SLIT1: variants seen among roughly 807,000 people sequenced by gnomAD.
SLIT1 encodes the protein slit homolog 1 protein.
In SLIT1, 66 loss-of-function variants were observed where a neutral mutation model predicts 186.1. The observed-to-expected ratio is 0.35, with a 90% CI of 0.29 to 0.44. The LOEUF is 0.44. Ranked by LOEUF, SLIT1 falls within the 20% of genes least tolerant of loss-of-function variation. The pLI is 1.00. For missense variants in SLIT1, 1,638 were observed against 2,037.4 expected (o/e 0.80, Z 3.77); for synonymous variants, 761 against 833.8 (o/e 0.91, Z 1.50).
chr10:97,034,418 T>C, intron 23 of SLIT1, 53 bp downstream of exon 23: 1 of 1,261,240 alleles, frequency 7.9e-7, no homozygotes, highest in Admixed American at 1.7e-5. Flanking sequence ...GGCTAGGGAA[T>C]GACTCACAGC....
chr10:97,009,641 A>G (rs1346926042), intron 31 of SLIT1, among the ~76,000 whole-genome samples: 1 of 152,248 alleles, frequency 6.6e-6, no homozygotes, highest in East Asian at 1.9e-4. Flanking sequence ...TGCCCAAATT[A>G]TTAAACTAGA....
At chr10:97,146,559 G>GCCCCCCCCCCCCCCCCCCCCC (rs61265496) in intron 4 of SLIT1, among the ~76,000 whole-genome samples, 3 of 149,082 alleles carry the variant, frequency 2.0e-5, no homozygotes, top group South Asian at 2.2e-4. Context: ...AGGTACCCCA[G>GCCCCCCCCCCCCCCCCCCCCC]CCCCCCCCAC....
chr10:97,142,014 G>C (rs1201318919), intron 4 of SLIT1, among the ~76,000 whole-genome samples: 1 of 151,924 alleles, frequency 6.6e-6, no homozygotes, highest in Non-Finnish European at 1.5e-5. Context: ...CTGGTCCTTG[G>C]CTGGTCTCTA....
intron 4 of SLIT1, among the ~76,000 whole-genome samples, chr10:97,086,964 G>T (rs545382971): frequency 6.6e-6 from 1 of 152,132 alleles, no homozygotes; most frequent in East Asian, 1.9e-4. Flanking sequence ...TACGGCTCTG[G>T]TGGGGGATGT....
intron 4 of SLIT1, among the ~76,000 whole-genome samples, chr10:97,079,968 CA>C (rs1849087290): frequency 6.6e-6 from 1 of 152,100 alleles, no homozygotes; most frequent in African/African-American, 2.4e-5. Context: ...AGAGTAGGTC[CA>C]AATGCCTTCT....
At chr10:97,146,324 G>T (rs1031068136) in intron 4 of SLIT1, among the ~76,000 whole-genome samples, 7 of 152,180 alleles carry the variant, frequency 4.6e-5, no homozygotes, top group Admixed American at 4.6e-4. Flanking sequence ...GAGGTGGTGA[G>T]TCCTGGCCCA....
In SLIT1 at chr10:97,047,794, G is replaced by A. The variant is rs144905043; in HGVS notation, c.1530C>T (p.Asp510=). 25 of 1,613,986 alleles carry A rather than the reference G, an allele frequency of 1.5e-5. No homozygotes were observed. The African/African-American group carries it at 2.5e-4, about 16-fold the overall frequency. Residue 510 remains aspartate, a synonymous_variant, in exon 16 of 37, where the codon GAC becomes GAT. Transcript: ENST00000266058. ...AGCGGCACTTGTGGGGACAGACCACGTCGCTGTTGCACTCGCTGTTCAGCT... is the reference window on the plus strand; with the variant it reads ...AGCGGCACTTGTGGGGACAGACCACATCGCTGTTGCACTCGCTGTTCAGCT... ...DYQLNSECNS[D]VVCPHKCRCE... is the part of the protein sequence containing the mutation.
chr10:97,086,718 TA>T lies in SLIT1; in HGVS notation c.414-20633del, dbSNP rs199718139. On this transcript the variant is annotated intron_variant, in intron 4 of 36. Coordinates refer to ENST00000266058, the MANE Select transcript of SLIT1 (RefSeq NM_003061.3). Reference sequence around the variant, plus strand: ...GAAAAAGGCAAAATTATGGAGAGAGTAAAAAAAAAATCAGTGGATGCCAACA... The same window carrying T: ...GAAAAAGGCAAAATTATGGAGAGAGTAAAAAAAAATCAGTGGATGCCAACA... Among the ~76,000 whole-genome samples the T allele has an allele frequency of 5.2e-4, 77 of 148,484 alleles. 1 individual carries two copies. The East Asian group carries it at 0.014, about 27-fold the overall frequency.
At chr10:97,023,072 G>A (rs1848515313) in intron 25 of SLIT1, among the ~76,000 whole-genome samples, 1 of 150,574 alleles carries the variant, frequency 6.6e-6, no homozygotes, top group Admixed American at 6.6e-5. Context: ...TTTTTTATGA[G>A]ACAGGGTCTC....
At chr10:97,124,858 C>A (rs1184542604) in intron 4 of SLIT1, among the ~76,000 whole-genome samples, 1 of 152,176 alleles carries the variant, frequency 6.6e-6, no homozygotes, top group African/African-American at 2.4e-5. Flanking sequence ...CGTTGCTTAA[C>A]CTTTCTGAGC....
At chr10:97,164,492 T>C (rs571950260) in intron 2 of SLIT1, among the ~76,000 whole-genome samples, 58 of 152,248 alleles carry the variant, frequency 3.8e-4, no homozygotes, top group African/African-American at 1.4e-3. Context: ...GCCCAGCGGC[T>C]TGTCAGCTCT....
At chr10:97,094,905 C>T (rs746676904) in intron 4 of SLIT1, among the ~76,000 whole-genome samples, 1 of 152,178 alleles carries the variant, frequency 6.6e-6, no homozygotes, top group Non-Finnish European at 1.5e-5. Context: ...CAAATGAGCA[C>T]ATCTCAATAA....
chr10:97,008,879 TTTA>T (rs1213121809), intron 31 of SLIT1, among the ~76,000 whole-genome samples: 8 of 151,186 alleles, frequency 5.3e-5, no homozygotes, highest in African/African-American at 1.9e-4. Context: ...TATTTATTTA[TTTA>T]TTATTATTAT....
Position 97,176,531 on chromosome 10 carries a change from T to C in SLIT1, c.197+8947A>G, listed in dbSNP as rs568066051. 3.3e-5 allele frequency among the ~76,000 whole-genome samples: 5 copies of C among 152,266 alleles called. No individual in the cohort carries two copies. The South Asian group carries it at 1.0e-3, about 32-fold the overall frequency. ...CAGAGCTCCCATGCCTGTCCTCTCCTCTGCAAACTTCCTTACCACCTACTT... is the reference window on the plus strand; with the variant it reads ...CAGAGCTCCCATGCCTGTCCTCTCCCCTGCAAACTTCCTTACCACCTACTT... On this transcript the variant is annotated intron_variant, in intron 1 of 36. Transcript: ENST00000266058.
At chr10:97,037,869 T>C in intron 21 of SLIT1, 103 bp from the exon 22 acceptor site, 1 of 871,330 alleles carries the variant, frequency 1.1e-6, no homozygotes, top group South Asian at 1.7e-5. Flanking sequence ...TCTCATTTCC[T>C]CTCCTCCACA....
chr10:97,097,960 G>A (rs1002063196), intron 4 of SLIT1, among the ~76,000 whole-genome samples: 2 of 152,132 alleles, frequency 1.3e-5, no homozygotes, highest in Non-Finnish European at 2.9e-5. Flanking sequence ...CCAGCCTAAC[G>A]ATTTTGTTAA....
chr10:97,052,000 T>A (rs1848791850), intron 13 of SLIT1, among the ~76,000 whole-genome samples: 1 of 151,984 alleles, frequency 6.6e-6, no homozygotes, highest in Admixed American at 6.6e-5. Flanking sequence ...AGGAACAAAG[T>A]ACTGATACAT....
In SLIT1 at chr10:97,011,131, C is replaced by T; in HGVS notation, c.3204-1G>A. On this transcript the variant is annotated splice_acceptor_variant, in intron 30 of 36. Coordinates refer to ENST00000266058, the MANE Select transcript of SLIT1 (RefSeq NM_003061.3). LOFTEE classifies it high-confidence loss of function. The stretch of plus-strand genomic sequence containing the variant: ...TGCATAACCTGGCATGCACTCACAC[C>T]TAGTGGGTGGGGGGCAGGGGTAGTT... The T allele has an allele frequency of 6.2e-7, 1 of 1,611,686 alleles. No individual in the cohort carries two copies. The highest frequency in any genetic ancestry group is 8.5e-7 in the Non-Finnish European group (1 of 1,178,014).
intron 4 of SLIT1, among the ~76,000 whole-genome samples, chr10:97,123,142 C>G (rs1589402141): frequency 1.3e-5 from 2 of 152,344 alleles, no homozygotes; most frequent in African/African-American, 4.8e-5. Context: ...ACTGCAGTGA[C>G]AGTTGCCGCA....
Sources: gnomAD v4.1 joint callset for allele counts (sites outside exome capture counted in the v4.1 genomes callset) on GRCh38, gnomAD v4.1.1 for gene constraint, MANE v1.5 for transcripts, NCBI Gene and HGNC (gene_info 2026-07-23, HGNC 2026-07-21) for gene names.